RERE: variants seen among roughly 807,000 people sequenced by gnomAD.
RERE encodes the protein arginine-glutamic acid dipeptide repeats.
In RERE, 40 loss-of-function variants were observed where a neutral mutation model predicts 146.1. The observed-to-expected ratio is 0.27, with a 90% CI of 0.21 to 0.36. RERE has a LOEUF of 0.36. Ranked by LOEUF, RERE falls within the 10% of genes least tolerant of loss-of-function variation. The pLI is 1.00. For missense variants in RERE, 1,933 were observed against 2,138.7 expected (o/e 0.90, Z 1.90); for synonymous variants, 1,003 against 866.0 (o/e 1.16, Z -2.78).
chr1:8,496,596 G>A (rs759108356), intron 9 of RERE, among the ~76,000 whole-genome samples: 3 of 152,022 alleles, frequency 2.0e-5, no homozygotes, highest in Admixed American at 6.6e-5. Flanking sequence ...TTTTGTTGTC[G>A]TTGCCAAGAC....
intron 1 of RERE, among the ~76,000 whole-genome samples, chr1:8,810,843 T>G (rs1426824125): frequency 6.6e-6 from 1 of 152,086 alleles, no homozygotes; most frequent in East Asian, 1.9e-4. Flanking sequence ...TTAAAATACT[T>G]GCAGCATATT....
chr1:8,763,874 G>A (rs1190071013), intron 1 of RERE, among the ~76,000 whole-genome samples: 3 of 150,776 alleles, frequency 2.0e-5, no homozygotes, highest in South Asian at 2.1e-4. Flanking sequence ...CCAGAAAGCA[G>A]AGGTTGCAGT....
At chr1:8,492,369 T>C (rs536030138) in intron 10 of RERE, among the ~76,000 whole-genome samples, 27 of 152,290 alleles carry the variant, frequency 1.8e-4, no homozygotes, top group Admixed American at 3.3e-4. Flanking sequence ...GTGCCAAAAA[T>C]AGACATTTAA....
intron 7 of RERE, chr1:8,525,663 C>G (rs755411289): frequency 4.9e-5 from 64 of 1,299,258 alleles, no homozygotes; most frequent in Non-Finnish European, 6.5e-5. Context: ...GGAACATGCA[C>G]TATGAATGAT....
chr1:8,709,427 AT>A (rs575208559), intron 1 of RERE, among the ~76,000 whole-genome samples: 1 of 151,720 alleles, frequency 6.6e-6, no homozygotes, highest in East Asian at 1.9e-4. Context: ...TCCCTTGTAG[AT>A]TTTTTTTAGA....
At chr1:8,556,358 G>T in intron 6 of RERE, 117 bp downstream of exon 6, 1 of 638,880 alleles carries the variant, frequency 1.6e-6, no homozygotes, top group Non-Finnish European at 2.8e-6. Flanking sequence ...GTTCACTGAG[G>T]CCAAAAGAGG....
At chr1:8,786,640 C>T in intron 1 of RERE, 1 of 770,530 alleles carries the variant, frequency 1.3e-6, no homozygotes, top group Non-Finnish European at 2.4e-6. Context: ...TGGGCTCACA[C>T]CATTGGCACC....
intron 1 of RERE, among the ~76,000 whole-genome samples, chr1:8,727,932 T>C (rs1640003831): frequency 1.3e-5 from 2 of 152,258 alleles, no homozygotes; most frequent in South Asian, 2.1e-4. Context: ...AGACCACTTG[T>C]AGCATATATT....
At position 8,531,007 on chromosome 1, in the gene RERE, TTCTATCTATCTATCTATCTA is replaced by T. The variant is rs199738689; in HGVS notation, c.830+10187_830+10206del. The stretch of plus-strand genomic sequence containing the variant: ...CGCCCGGCCTGAACTGAACTGAGTT[TTCTATCTATCTATCTATCTA>T]TCTATCTATCTATCTATCTATCTAT... On this transcript the variant is annotated intron_variant, in intron 7 of 22. Transcript: ENST00000400908. 4.4e-3 allele frequency among the ~76,000 whole-genome samples: 620 copies of T among 140,346 alleles called. 4 individuals carry two copies. Among genetic ancestry groups the T allele is most frequent in the African/African-American group, 7.5e-3 (282 of 37,432 alleles). 92.1% of individuals were successfully genotyped at this position (140,346 alleles called of 152,430 possible).
At chr1:8,741,831 G>A (rs953199146) in intron 1 of RERE, among the ~76,000 whole-genome samples, 2 of 152,178 alleles carry the variant, frequency 1.3e-5, no homozygotes, top group African/African-American at 4.8e-5. Context: ...TTTTGGCTTT[G>A]AGATTATATC....
chr1:8,548,286 T>C (rs566731219), intron 6 of RERE, among the ~76,000 whole-genome samples: 10 of 152,218 alleles, frequency 6.6e-5, no homozygotes, highest in African/African-American at 2.2e-4. Flanking sequence ...GGTGGCAGGG[T>C]TGAAGAGTAT....
intron 12 of RERE, among the ~76,000 whole-genome samples, chr1:8,415,637 T>C (rs1004136005): frequency 2.6e-5 from 4 of 151,968 alleles, no homozygotes; most frequent in Non-Finnish European, 5.9e-5. Flanking sequence ...TCCTTTTCTT[T>C]CCAACACCAG....
At chr1:8,602,234 C>G (rs1254863890) in intron 4 of RERE, among the ~76,000 whole-genome samples, 3 of 151,592 alleles carry the variant, frequency 2.0e-5, no homozygotes, top group Non-Finnish European at 4.4e-5. Flanking sequence ...ACTAAAAATA[C>G]AAAAAAATCA....
chr1:8,417,153 C>T (rs770958462), intron 12 of RERE, among the ~76,000 whole-genome samples: 1 of 152,092 alleles, frequency 6.6e-6, no homozygotes, highest in Non-Finnish European at 1.5e-5. Flanking sequence ...AAGGTTATAA[C>T]CTGAAATTAA....
chr1:8,597,222 G>A (rs1646565547), intron 4 of RERE, among the ~76,000 whole-genome samples: 1 of 151,860 alleles, frequency 6.6e-6, no homozygotes, highest in Non-Finnish European at 1.5e-5. Context: ...CTAAGCAGCT[G>A]GGACTAGAGG....
intron 12 of RERE, among the ~76,000 whole-genome samples, chr1:8,401,062 T>C (rs1364243688): frequency 8.1e-6 from 1 of 123,554 alleles, no homozygotes; most frequent in Non-Finnish European, 1.7e-5. Flanking sequence ...TATATATATA[T>C]ATATATATAT....
intron 1 of RERE, among the ~76,000 whole-genome samples, chr1:8,696,351 G>A (rs990486174): frequency 5.3e-5 from 8 of 152,186 alleles, no homozygotes; most frequent in East Asian, 1.9e-4. Flanking sequence ...GGTAGCTCGC[G>A]TCTGTAATCC....
At chr1:8,516,733 ATG>A (rs1410598619) in intron 7 of RERE, among the ~76,000 whole-genome samples, 10 of 152,344 alleles carry the variant, frequency 6.6e-5, no homozygotes, top group African/African-American at 2.4e-4. Flanking sequence ...AAACAGAATG[ATG>A]AGAATCCATA....
intron 1 of RERE, among the ~76,000 whole-genome samples, chr1:8,751,676 C>T (rs970849767): frequency 9.2e-5 from 14 of 152,062 alleles, no homozygotes; most frequent in Middle Eastern, 3.4e-3. Context: ...AACAGAGACC[C>T]AGTGTTAACT....
Sources: allele counts gnomAD v4.1 joint callset (sites outside exome capture counted in the v4.1 genomes callset), GRCh38; gene constraint gnomAD v4.1.1; transcripts MANE v1.5; gene names NCBI Gene and HGNC (gene_info 2026-07-23, HGNC 2026-07-21).